ITIH5: variants seen among roughly 807,000 people sequenced by gnomAD.
The protein encoded by ITIH5 is inter-alpha-trypsin inhibitor heavy chain 5, also known as inter-alpha-trypsin inhibitor heavy chain H5.
In ITIH5, 65 loss-of-function variants were observed where a neutral mutation model predicts 77.5. That is an observed-to-expected ratio of 0.84 (90% CI 0.69 to 1.03). ITIH5 has a LOEUF of 1.03. ITIH5 is among the 50% of genes least tolerant of loss of function. The pLI is 0.00. For synonymous variants in ITIH5, 525 were observed against 494.3 expected (o/e 1.06, Z -0.82); for missense variants, 1,208 against 1,213.1 (o/e 1.00, Z 0.06).
At chr10:7,599,128 AG>A (rs1832965726) in intron 7 of ITIH5, among the ~76,000 whole-genome samples, 1 of 152,204 alleles carries the variant, frequency 6.6e-6, no homozygotes, top group African/African-American at 2.4e-5. Context: ...CATTTTTTAT[AG>A]TTGATGTGTA....
At chr10:7,613,862 T>G (rs912792657) in intron 7 of ITIH5, among the ~76,000 whole-genome samples, 1 of 152,190 alleles carries the variant, frequency 6.6e-6, no homozygotes, top group African/African-American at 2.4e-5. Flanking sequence ...CTAAGAGTTC[T>G]GCAGTCCAGC....
At chr10:7,569,961 C>A in intron 11 of ITIH5, 177 bp from the exon 12 acceptor site, 1 of 513,206 alleles carries the variant, frequency 1.9e-6, no homozygotes, top group Non-Finnish European at 3.4e-6. Context: ...AACAACTCCC[C>A]AGAATTACCC....
At chr10:7,611,292 C>T (rs1254802514) in intron 7 of ITIH5, among the ~76,000 whole-genome samples, 1 of 152,234 alleles carries the variant, frequency 6.6e-6, no homozygotes, top group Non-Finnish European at 1.5e-5. Flanking sequence ...AAATCATTCA[C>T]ATAATACTCT....
At position 7,576,485 on chromosome 10, in the gene ITIH5, A is replaced by G; in HGVS notation, c.1946T>C (p.Val649Ala). 1.2e-6 allele frequency: 2 copies of G among 1,607,618 alleles called. No individual in the cohort carries two copies. Among genetic ancestry groups the G allele is most frequent in the South Asian group, 1.1e-5 (1 of 90,928 alleles). ...CGTGCCAGCTCCTCGCACGCTCTGC[A>G]CCACCGGTTCGGGTCCCATGGCAGC... ...MSAAMGPEPV[V>A]QSVRGAGTQP... Residue 649 changes from valine (V) to alanine (A), a missense_variant, in exon 10 of 14, where the codon GTG becomes GCG. Physicochemically the swap from Val to Ala is moderately conservative, Grantham distance 64. Transcript: ENST00000397146.
intron 7 of ITIH5, among the ~76,000 whole-genome samples, chr10:7,599,929 T>C (rs531336181): frequency 5.6e-4 from 86 of 152,230 alleles, no homozygotes; most frequent in African/African-American, 2.0e-3. Context: ...GAGACGGAGA[T>C]TTCTGTTGCA....
Position 7,588,468 on chromosome 10 carries a change from A to G in ITIH5, c.940-2399T>C, listed in dbSNP as rs555864515. The stretch of plus-strand genomic sequence containing the variant: ...GGGAGGCGGAGATTGCAGTGAGCCC[A>G]GATCGTGCCACTGCACTCTGCCTGG... On this transcript the variant is annotated intron_variant, in intron 7 of 13. Transcript: ENST00000397146. 4.6e-5 allele frequency among the ~76,000 whole-genome samples: 7 copies of G among 152,378 alleles called. No homozygotes were observed. The East Asian group carries it at 7.7e-4, about 17-fold the overall frequency.
At chr10:7,594,542 T>C (rs910011033) in intron 7 of ITIH5, among the ~76,000 whole-genome samples, 8 of 152,146 alleles carry the variant, frequency 5.3e-5, no homozygotes, top group Non-Finnish European at 1.0e-4. Context: ...AAAACAGGCA[T>C]ATAAAATGTA....
rs558070525 is a variant in ITIH5 at position 7,626,318 on chromosome 10, G to A, written c.653-9036C>T. ...TCTGTGCCACACTCTTGGGTTGACC[G>A]TGCCACGCTCTTGGGTTGACCGAGC... On this transcript the variant is annotated intron_variant, in intron 5 of 13. Transcript: ENST00000397146. 3.9e-5 allele frequency among the ~76,000 whole-genome samples: 6 copies of A among 152,262 alleles called. 1 individual carries two copies. The South Asian group carries it at 6.2e-4, about 16-fold the overall frequency.
rs142836742 is a variant in ITIH5 at position 7,566,178 on chromosome 10, G to T, written c.2379C>A (p.Asn793Lys). The T allele has an allele frequency of 4.3e-6, 7 of 1,614,062 alleles. No individual in the cohort carries two copies. The Admixed American group carries it at 6.7e-5, about 15-fold the overall frequency. Residue 793 changes from asparagine to lysine, a missense_variant, in exon 13 of 14, where the codon AAC becomes AAA. Transcript: ENST00000397146. ...CCTGGATGGTGACGGTGACATTGGCGTTGGCAGACACGGACACCTCCAGCC... is the reference window on the plus strand; with the variant it reads ...CCTGGATGGTGACGGTGACATTGGCTTTGGCAGACACGGACACCTCCAGCC... ...SWGLEVSVSA[N>K]ANVTVTIQGS... is the part of the protein sequence containing the mutation.
rs144882571 is a variant in ITIH5 at position 7,579,850 on chromosome 10, G to A, written c.1323C>T (p.Asp441=). The A allele has an allele frequency of 9.3e-6, 15 of 1,614,218 alleles. No individual in the cohort carries two copies. The highest frequency in any genetic ancestry group is 1.6e-4 in the Middle Eastern group (1 of 6,062). ...GTTTCTCCAGCAGCCTGAAGTCCAC[G>A]TCGTTGCCGATGCCAATGGTGAAGA... The part of the protein sequence containing the change: ...VCIFTIGIGN[D]VDFRLLEKLS... Residue 441 remains aspartate, a synonymous_variant, in exon 9 of 14, where the codon GAC becomes GAT. Transcript: ENST00000397146.
At chr10:7,609,509 AAGC>A (rs1342220744) in intron 7 of ITIH5, 2 of 456,136 alleles carry the variant, frequency 4.4e-6, no homozygotes, top group African/African-American at 2.0e-5. Context: ...AGCATAAAGT[AAGC>A]CTGTGAGTGA....
intron 11 of ITIH5, chr10:7,572,771 C>CTTTTTTTTTTT (rs528912890): frequency 1.0e-4 from 9 of 88,350 alleles, no homozygotes; most frequent in South Asian, 3.4e-4. Context: ...TGGTTTTACA[C>CTTTTTTTTTTT]TTTTTTTTTT....
Position 7,573,159 on chromosome 10 carries a change from T to C in ITIH5, c.2015A>G (p.Lys672Arg), listed in dbSNP as rs753961262. 3 of 1,613,842 alleles carry C rather than the reference T, an allele frequency of 1.9e-6. No individual in the cohort carries two copies. The South Asian group carries it at 3.3e-5, about 18-fold the overall frequency. Reference sequence around the variant, plus strand: ...TGCTTTACCTGATGTTTTAGAGATTTTAATTCTTGGCTGGTATGGCTTCTT... The same window carrying C: ...TGCTTTACCTGATGTTTTAGAGATTCTAATTCTTGGCTGGTATGGCTTCTT... ...LLKKPYQPRI[K>R]ISKTSVDGDP... is the part of the protein sequence containing the mutation. Residue 672 changes from lysine to arginine, a missense_variant, in exon 11 of 14, where the codon AAA becomes AGA. Physicochemically the swap from Lys to Arg is conservative, Grantham distance 26 (BLOSUM62 2). Coordinates refer to ENST00000397146, the MANE Select transcript of ITIH5 (RefSeq NM_030569.7).
intron 7 of ITIH5, among the ~76,000 whole-genome samples, chr10:7,612,224 G>A (rs1833260855): frequency 6.6e-6 from 1 of 152,014 alleles, no homozygotes; most frequent in East Asian, 1.9e-4. Context: ...TCTCTAATGG[G>A]TGGTAGGGTG....
chr10:7,620,564 A>T (rs1244345997), intron 5 of ITIH5: 1 of 152,230 alleles, frequency 6.6e-6, no homozygotes, highest in African/African-American at 2.4e-5. Context: ...TGTACACATG[A>T]CATTTGTACC....
intron 7 of ITIH5, among the ~76,000 whole-genome samples, chr10:7,602,096 C>T (rs1019314754): frequency 3.9e-5 from 6 of 152,076 alleles, no homozygotes; most frequent in Non-Finnish European, 8.8e-5. Context: ...TCAGGTGATC[C>T]GCCTGCCTCA....
intron 7 of ITIH5, among the ~76,000 whole-genome samples, chr10:7,610,900 A>C (rs1537629): frequency 0.24 from 36,893 of 151,992 alleles, 4,589 homozygotes; most frequent in African/African-American, 0.29. Context: ...GCTAGCAAGG[A>C]ATGGAATTTT....
At chr10:7,660,937 G>C (rs1456217540) in intron 1 of ITIH5, among the ~76,000 whole-genome samples, 1 of 152,246 alleles carries the variant, frequency 6.6e-6, no homozygotes, top group Non-Finnish European at 1.5e-5. Flanking sequence ...GGCGTGGACA[G>C]GTACAGGTTG....
At chr10:7,589,709 G>T (rs1832754502) in intron 7 of ITIH5, among the ~76,000 whole-genome samples, 1 of 151,834 alleles carries the variant, frequency 6.6e-6, no homozygotes, top group South Asian at 2.1e-4. Context: ...GACTGCAGCG[G>T]TTTCCCGTCC....
Sources: gnomAD v4.1 joint callset for allele counts (sites outside exome capture counted in the v4.1 genomes callset) on GRCh38, gnomAD v4.1.1 for gene constraint, MANE v1.5 for transcripts, NCBI Gene and HGNC (gene_info 2026-07-23, HGNC 2026-07-21) for gene names.